Variants in XPO5 observed in about 807,000 individuals in gnomAD.
The protein encoded by XPO5 is exportin 5.
XPO5 carries 46 observed loss-of-function variants against 160.6 expected under a neutral mutation model. That is an observed-to-expected ratio of 0.29 (90% CI 0.23 to 0.37). XPO5 has a LOEUF of 0.37. Among genes scored for constraint, XPO5 ranks in the 10% least tolerant of loss-of-function variants. The pLI is 1.00. For missense variants in XPO5, 1,090 were observed against 1,463.9 expected (o/e 0.74, Z 4.17); for synonymous variants, 537 against 519.3 (o/e 1.03, Z -0.46).
At chr6:43,527,427 C>T in intron 26 of XPO5, 1 of 484,826 alleles carries the variant, frequency 2.1e-6, no homozygotes, top group South Asian at 2.2e-5. Flanking sequence ...CTGCGCGCCA[C>T]TACGCCCAGC....
intron 13 of XPO5, among the ~76,000 whole-genome samples, chr6:43,554,492 T>C (rs1312059338): frequency 6.6e-6 from 1 of 151,802 alleles, no homozygotes; most frequent in Non-Finnish European, 1.5e-5. Context: ...TGGCACGATC[T>C]TGGCTCACTG....
intron 20 of XPO5, among the ~76,000 whole-genome samples, chr6:43,535,180 T>G (rs1794239373): frequency 6.7e-6 from 1 of 149,368 alleles, no homozygotes. Flanking sequence ...TGGTCCCAGC[T>G]ACTCGGGAGG....
At chr6:43,549,994 CTA>C (rs1491307078) in intron 15 of XPO5, 60 bp from the exon 16 acceptor site, 4 of 1,557,834 alleles carry the variant, frequency 2.6e-6, no homozygotes, top group African/African-American at 1.4e-5. Flanking sequence ...TGAGATCTTG[CTA>C]TGTTGCCCAG....
At chr6:43,555,222 G>GT (rs1461187494) in intron 13 of XPO5, 1 of 152,270 alleles carries the variant, frequency 6.6e-6, no homozygotes, top group African/African-American at 2.4e-5. Flanking sequence ...GATTACAAGC[G>GT]TGAGTCACTG....
chr6:43,549,622 A>C (rs928848259), intron 16 of XPO5, 44 bp from the exon 17 acceptor site: 4 of 1,594,098 alleles, frequency 2.5e-6, no homozygotes, highest in African/African-American at 1.4e-5. Context: ...TTTTAATATA[A>C]TATACAGGTG....
At chr6:43,548,110 T>C (rs1795052984) in intron 18 of XPO5, 151 bp downstream of exon 18, 2 of 803,716 alleles carry the variant, frequency 2.5e-6, no homozygotes, top group Non-Finnish European at 1.9e-6. Flanking sequence ...AGAGATTAAA[T>C]TACAAAAGAC....
At chr6:43,566,305 A>T (rs1762690889) in intron 7 of XPO5, among the ~76,000 whole-genome samples, 1 of 151,736 alleles carries the variant, frequency 6.6e-6, no homozygotes, top group African/African-American at 2.4e-5. Flanking sequence ...GAGGCAGGAG[A>T]ATTGCTTGAA....
intron 22 of XPO5, 116 bp from the exon 23 acceptor site, chr6:43,530,940 G>A: frequency 1.5e-6 from 2 of 1,326,878 alleles, no homozygotes; most frequent in Non-Finnish European, 1.0e-6. Flanking sequence ...CAGAAGAGCA[G>A]TTGTATTTAC....
chr6:43,545,843 G>A (rs1030854896), intron 20 of XPO5, among the ~76,000 whole-genome samples: 2 of 152,076 alleles, frequency 1.3e-5, no homozygotes, highest in South Asian at 4.2e-4. Context: ...TCTATATCTA[G>A]TAACTGATAA....
chr6:43,527,557 C>T, intron 26 of XPO5, 77 bp downstream of exon 26: 1 of 1,454,230 alleles, frequency 6.9e-7, no homozygotes, highest in South Asian at 1.2e-5. Context: ...TTAGTCAGGC[C>T]TTCATGGAGT....
Position 43,571,046 on chromosome 6 carries a change from T to C in XPO5, c.301-52A>G, listed in dbSNP as rs905672468. ...GATATGCAAGACTGGATTCCAGACT[T>C]CCAGAAAAAAGCTGGGCTGTAGAGT... On this transcript the variant is annotated intron_variant, in intron 3 of 31. Coordinates refer to ENST00000265351, the MANE Select transcript of XPO5 (RefSeq NM_020750.3). The C allele has an allele frequency of 9.6e-6, 15 of 1,560,666 alleles. No individual in the cohort carries two copies. In the African/African-American group the frequency reaches 1.9e-4, roughly 20 times the overall value.
At chr6:43,547,517 G>T in intron 19 of XPO5, 91 bp downstream of exon 19, 4 of 1,247,240 alleles carry the variant, frequency 3.2e-6, no homozygotes, top group South Asian at 2.5e-5. Context: ...CACCAGTATA[G>T]AAAAAACAAA....
chr6:43,527,569 G>T, intron 26 of XPO5, 65 bp downstream of exon 26: 1 of 1,539,314 alleles, frequency 6.5e-7, no homozygotes, highest in Non-Finnish European at 9.0e-7. Flanking sequence ...TCATGGAGTT[G>T]GCTGAGCGAC....
intron 2 of XPO5, 59 bp downstream of exon 2, chr6:43,573,421 T>C (rs1387529053): frequency 3.1e-6 from 5 of 1,601,428 alleles, no homozygotes; most frequent in Non-Finnish European, 3.4e-6. Context: ...CTATAGGTTA[T>C]ATAAGATATA....
Position 43,527,873 on chromosome 6 carries a change from G to T in XPO5, c.2823-142C>A, listed in dbSNP as rs994393752. On this transcript the variant is annotated intron_variant, in intron 25 of 31. Transcript: ENST00000265351. ...ATGCAAAAGTTGGGAATGGACAGCA[G>T]TGATCCACTGAAGGACATTATTACT... The T allele has an allele frequency of 1.1e-5, 9 of 808,306 alleles. No individual in the cohort carries two copies. In the African/African-American group the frequency reaches 1.6e-4, roughly 14 times the overall value. The allele number at this position is 808,306 out of a possible 1,614,324, so 50.1% of individuals were successfully genotyped here. A position where few individuals can be genotyped will look rare whatever the true frequency, so the allele number is the denominator to read the frequency against.
chr6:43,572,946 G>C (rs1763085992), intron 2 of XPO5, among the ~76,000 whole-genome samples: 1 of 152,152 alleles, frequency 6.6e-6, no homozygotes. Context: ...CATTTTCTGT[G>C]CTGGCTTACA....
At chr6:43,539,314 G>C in intron 20 of XPO5, 2 of 1,565,446 alleles carry the variant, frequency 1.3e-6, no homozygotes, top group South Asian at 1.1e-5. Context: ...TGTAGTCCCC[G>C]ATAGCAACAA....
chr6:43,529,049 G>GT (rs1193881054), intron 23 of XPO5, 124 bp from the exon 24 acceptor site: 1 of 1,120,974 alleles, frequency 8.9e-7, no homozygotes, highest in African/African-American at 1.6e-5. Context: ...AATATCCTGT[G>GT]TTAACAGTGA....
intron 9 of XPO5, chr6:43,561,268 A>C (rs186353357): frequency 2.6e-6 from 1 of 390,552 alleles, no homozygotes; most frequent in Admixed American, 4.1e-5. Context: ...AAAATAAAAA[A>C]CACTCATTTC....
Sources: allele counts gnomAD v4.1 joint callset (sites outside exome capture counted in the v4.1 genomes callset), GRCh38; gene constraint gnomAD v4.1.1; transcripts MANE v1.5; gene names NCBI Gene and HGNC (gene_info 2026-07-23, HGNC 2026-07-21).